Variants in LOC128462377 observed in about 807,000 individuals in gnomAD.
chr16:89,394,356 C>A, the LOC128462377 span, among the ~76,000 whole-genome samples: 1 of 152,238 alleles, frequency 6.6e-6, no homozygotes, highest in Non-Finnish European at 1.5e-5. Flanking sequence ...GGGCCAGGCA[C>A]AGTGGCTCCC....
At chr16:89,399,723 G>A in the LOC128462377 span, among the ~76,000 whole-genome samples, 1 of 152,200 alleles carries the variant, frequency 6.6e-6, no homozygotes, top group Admixed American at 6.5e-5. Context: ...TTGTGGGGAT[G>A]CTGAGCCCAG....
chr16:89,370,386 C>A, the LOC128462377 span, among the ~76,000 whole-genome samples: 2 of 152,164 alleles, frequency 1.3e-5, no homozygotes, highest in Non-Finnish European at 1.5e-5. Flanking sequence ...CCCAGCCACA[C>A]CCTGGGCCCA....
At chr16:89,323,971 A>C in the LOC128462377 span, 1 of 224,504 alleles carries the variant, frequency 4.5e-6, no homozygotes, top group Non-Finnish European at 9.0e-6. Flanking sequence ...CCTCCCCTGC[A>C]CCCCAAAATT....
At chr16:89,364,945 T>C in the LOC128462377 span, among the ~76,000 whole-genome samples, 1 of 152,198 alleles carries the variant, frequency 6.6e-6, no homozygotes, top group Non-Finnish European at 1.5e-5. Context: ...CAAAGCCAAA[T>C]GAACAACACT....
chr16:89,408,790 T>A, the LOC128462377 span, among the ~76,000 whole-genome samples: 1 of 152,332 alleles, frequency 6.6e-6, no homozygotes, highest in South Asian at 2.1e-4. Context: ...TAAACATCTT[T>A]TGAGGCCTAC....
the LOC128462377 span, among the ~76,000 whole-genome samples, chr16:89,344,607 G>A: frequency 2.0e-5 from 3 of 152,334 alleles, no homozygotes; most frequent in South Asian, 4.1e-4. Flanking sequence ...GCAAGCGTCC[G>A]GGAGGACACT....
chr16:89,376,323 T>C, the LOC128462377 span, among the ~76,000 whole-genome samples: 3 of 152,182 alleles, frequency 2.0e-5, no homozygotes, highest in African/African-American at 7.2e-5. Context: ...ACGTTTGGCT[T>C]TAACAATGTC....
the LOC128462377 span, among the ~76,000 whole-genome samples, chr16:89,358,240 C>T: frequency 5.1e-3 from 776 of 152,330 alleles, 5 homozygotes; most frequent in African/African-American, 0.018. Context: ...GCACTGGTCC[C>T]GCATGGAGCT....
the LOC128462377 span, among the ~76,000 whole-genome samples, chr16:89,380,373 A>C: frequency 2.0e-5 from 3 of 152,236 alleles, no homozygotes; most frequent in East Asian, 5.8e-4. Context: ...CGGCCTCCCA[A>C]AGTGCTGGGA....
the LOC128462377 span, among the ~76,000 whole-genome samples, chr16:89,416,810 T>A: frequency 3.3e-5 from 5 of 151,890 alleles, no homozygotes; most frequent in Non-Finnish European, 7.4e-5. Context: ...AGCATTTTGC[T>A]TTTCCTTGTC....
chr16:89,405,433 C>T, the LOC128462377 span, among the ~76,000 whole-genome samples: 1 of 151,922 alleles, frequency 6.6e-6, no homozygotes, highest in Non-Finnish European at 1.5e-5. Context: ...AGGCGATCCT[C>T]CCACCTCGGC....
chr16:89,412,990 C>A, the LOC128462377 span, among the ~76,000 whole-genome samples: 13 of 152,268 alleles, frequency 8.5e-5, no homozygotes, highest in South Asian at 8.3e-4. Context: ...ACAGCCAGAG[C>A]TCCCAATGGG....
At chr16:89,373,214 A>T in the LOC128462377 span, 1 of 152,282 alleles carries the variant, frequency 6.6e-6, no homozygotes, top group African/African-American at 2.4e-5. Context: ...TTTACCCAAG[A>T]TTGTGAAGCA....
the LOC128462377 span, among the ~76,000 whole-genome samples, chr16:89,382,990 G>A: frequency 6.6e-6 from 1 of 152,224 alleles, no homozygotes; most frequent in African/African-American, 2.4e-5. Flanking sequence ...ACAGGCGTGA[G>A]CCACCGTGCC....
the LOC128462377 span, among the ~76,000 whole-genome samples, chr16:89,413,437 A>C: frequency 1.3e-5 from 2 of 152,102 alleles, no homozygotes; most frequent in Admixed American, 1.3e-4. Flanking sequence ...CATCCTAGCT[A>C]ACACGAGGAA....
chr16:89,366,962 G>C, the LOC128462377 span, among the ~76,000 whole-genome samples: 33 of 152,318 alleles, frequency 2.2e-4, no homozygotes, highest in Non-Finnish European at 4.0e-4. Context: ...CAGACCCACA[G>C]GCTGGATTAG....
At chr16:89,402,361 G>A in the LOC128462377 span, among the ~76,000 whole-genome samples, 4 of 152,264 alleles carry the variant, frequency 2.6e-5, no homozygotes, top group African/African-American at 9.6e-5. Flanking sequence ...TAAGGTATCT[G>A]GGATTGAGCG....
At chr16:89,351,776 T>C in the LOC128462377 span, among the ~76,000 whole-genome samples, 1 of 152,228 alleles carries the variant, frequency 6.6e-6, no homozygotes, top group African/African-American at 2.4e-5. Context: ...AAGGTCCAAG[T>C]TTCTTTCTGA....
At chr16:89,414,859 G>A in the LOC128462377 span, among the ~76,000 whole-genome samples, 1 of 152,216 alleles carries the variant, frequency 6.6e-6, no homozygotes, top group African/African-American at 2.4e-5. Context: ...TCATCTCAAC[G>A]GCTCACATTC....
Sources: gnomAD v4.1 joint callset for allele counts (sites outside exome capture counted in the v4.1 genomes callset) on GRCh38, gnomAD v4.1.1 for gene constraint, MANE v1.5 for transcripts.